TGFA: variants seen among roughly 807,000 people sequenced by gnomAD.
The protein encoded by TGFA is transforming growth factor alpha, also known as protransforming growth factor alpha.
In TGFA, 12 loss-of-function variants were observed where a neutral mutation model predicts 21.7. The ratio of observed to expected loss-of-function variants is 0.55; its 90% CI spans 0.35 to 0.90. The LOEUF (loss-of-function observed/expected upper bound fraction) is 0.90. TGFA is among the 40% of genes least tolerant of loss of function. The pLI is 0.01. For synonymous variants in TGFA, 79 were observed against 88.1 expected (o/e 0.90, Z 0.58); for missense variants, 178 against 210.8 (o/e 0.84, Z 0.96).
intron 2 of TGFA, among the ~76,000 whole-genome samples, chr2:70,470,580 G>T (rs3771513): frequency 2.1e-4 from 32 of 152,300 alleles, no homozygotes; most frequent in African/African-American, 6.0e-4. Context: ...GCATCTGCCC[G>T]TGTAAACCAT....
intron 2 of TGFA, among the ~76,000 whole-genome samples, chr2:70,475,307 T>C (rs1315883399): frequency 1.3e-5 from 2 of 152,200 alleles, no homozygotes; most frequent in Non-Finnish European, 1.5e-5. Flanking sequence ...CAGCATTTTA[T>C]AGAGCGAATT....
At chr2:70,457,523 C>T (rs1670271500) in intron 3 of TGFA, among the ~76,000 whole-genome samples, 1 of 150,980 alleles carries the variant, frequency 6.6e-6, no homozygotes, top group Non-Finnish European at 1.5e-5. Flanking sequence ...AAGATCGCCA[C>T]TTCCTTTGCC....
chr2:70,464,520 C>T (rs1408209330), intron 3 of TGFA, among the ~76,000 whole-genome samples: 1 of 152,074 alleles, frequency 6.6e-6, no homozygotes, highest in Non-Finnish European at 1.5e-5. Context: ...TTGATTGGCA[C>T]GGCCAGGGAT....
intron 1 of TGFA, among the ~76,000 whole-genome samples, chr2:70,521,888 C>T (rs1281839932): frequency 6.6e-6 from 1 of 152,108 alleles, no homozygotes; most frequent in Non-Finnish European, 1.5e-5. Context: ...GCTGGGATTA[C>T]AGGCGCAGGC....
At chr2:70,538,297 C>A (rs1320205898) in intron 1 of TGFA, among the ~76,000 whole-genome samples, 1 of 152,182 alleles carries the variant, frequency 6.6e-6, no homozygotes, top group Non-Finnish European at 1.5e-5. Flanking sequence ...ACACAGCAAC[C>A]ACTATGCGGC....
At chr2:70,524,013 G>A (rs1672556226) in intron 1 of TGFA, among the ~76,000 whole-genome samples, 1 of 152,206 alleles carries the variant, frequency 6.6e-6, no homozygotes, top group South Asian at 2.1e-4. Context: ...AGAGACCCTT[G>A]GAGGAGGAGC....
chr2:70,509,568 C>A (rs1473482676), intron 2 of TGFA, among the ~76,000 whole-genome samples: 1 of 152,188 alleles, frequency 6.6e-6, no homozygotes, highest in Admixed American at 6.5e-5. Flanking sequence ...GCCTCCCAGA[C>A]ACTAAATTAA....
chr2:70,502,145 T>G (rs1272726299), intron 2 of TGFA, among the ~76,000 whole-genome samples: 3 of 152,234 alleles, frequency 2.0e-5, no homozygotes, highest in African/African-American at 7.2e-5. Flanking sequence ...TGAATCTTGT[T>G]GCTGGAATAG....
At chr2:70,526,197 C>T (rs1183187081) in intron 1 of TGFA, among the ~76,000 whole-genome samples, 1 of 152,192 alleles carries the variant, frequency 6.6e-6, no homozygotes, top group Non-Finnish European at 1.5e-5. Context: ...TCCAGGTCAT[C>T]AGCCTGTGCC....
chr2:70,513,865 T>C (rs1272365430), intron 2 of TGFA, among the ~76,000 whole-genome samples: 3 of 152,160 alleles, frequency 2.0e-5, no homozygotes, highest in Non-Finnish European at 2.9e-5. Context: ...AAACACACTC[T>C]GTGCTAACCA....
intron 2 of TGFA, among the ~76,000 whole-genome samples, chr2:70,480,571 T>C (rs1553495272): frequency 6.6e-6 from 1 of 152,180 alleles, no homozygotes; most frequent in African/African-American, 2.4e-5. Flanking sequence ...ACCCTTTGCT[T>C]ATGGACGTTT....
intron 1 of TGFA, among the ~76,000 whole-genome samples, chr2:70,526,073 T>C (rs1160177371): frequency 1.3e-5 from 2 of 152,182 alleles, no homozygotes; most frequent in Non-Finnish European, 2.9e-5. Flanking sequence ...TGTAGTCACA[T>C]GAGCAGACAG....
chr2:70,553,821 C>A lies in TGFA; in HGVS notation c.-54G>T. On this transcript the variant is annotated 5_prime_UTR_variant, in exon 1 of 6. Coordinates refer to ENST00000295400, the MANE Select transcript of TGFA (RefSeq NM_003236.4). ...CAGCCTCCTGCCCTACCTGCGGTGC[C>A]CGAGTGGCGGAGCGGCGCCGCGGTG... The A allele has an allele frequency of 8.0e-7, 1 of 1,248,202 alleles. No individual in the cohort carries two copies. The highest frequency in any genetic ancestry group is 1.0e-6 in the Non-Finnish European group (1 of 989,466). 77.3% of individuals were successfully genotyped at this position (1,248,202 alleles called of 1,614,324 possible).
chr2:70,486,142 G>C (rs1427238329), intron 2 of TGFA, among the ~76,000 whole-genome samples: 1 of 152,188 alleles, frequency 6.6e-6, no homozygotes, highest in Non-Finnish European at 1.5e-5. Context: ...CTACCCACTT[G>C]TGACACTCTT....
chr2:70,512,030 T>G (rs1385612782), intron 2 of TGFA, among the ~76,000 whole-genome samples: 1 of 136,462 alleles, frequency 7.3e-6, no homozygotes, highest in Non-Finnish European at 1.6e-5. Flanking sequence ...GATGAGAGAG[T>G]GGGTGGGATG....
At chr2:70,483,736 C>G (rs1553496131) in intron 2 of TGFA, among the ~76,000 whole-genome samples, 1 of 152,170 alleles carries the variant, frequency 6.6e-6, no homozygotes, top group East Asian at 1.9e-4. Context: ...AACTCTAGTT[C>G]TTTCTGTCCT....
intron 3 of TGFA, among the ~76,000 whole-genome samples, chr2:70,461,861 T>C (rs376972510): frequency 6.6e-6 from 1 of 152,362 alleles, no homozygotes; most frequent in African/African-American, 2.4e-5. Flanking sequence ...GAAGCATAAA[T>C]ATGTAAGGCT....
At chr2:70,550,549 G>A (rs1471299638) in intron 1 of TGFA, among the ~76,000 whole-genome samples, 3 of 152,184 alleles carry the variant, frequency 2.0e-5, no homozygotes, top group Non-Finnish European at 4.4e-5. Context: ...GGCCGGGCAC[G>A]GTGGCTCACG....
chr2:70,521,106 A>T (rs1672442682), intron 1 of TGFA, among the ~76,000 whole-genome samples: 1 of 152,024 alleles, frequency 6.6e-6, no homozygotes, highest in Non-Finnish European at 1.5e-5. Flanking sequence ...TTAAAAAAAA[A>T]AATCTTTGCT....
Sources: allele counts gnomAD v4.1 joint callset (sites outside exome capture counted in the v4.1 genomes callset), GRCh38; gene constraint gnomAD v4.1.1; transcripts MANE v1.5; gene names NCBI Gene and HGNC (gene_info 2026-07-23, HGNC 2026-07-21).